CNTNAP2: variants seen among roughly 807,000 people sequenced by gnomAD.
CNTNAP2 encodes the protein contactin-associated protein-like 2.
CNTNAP2 carries 98 observed loss-of-function variants against 155.2 expected under a neutral mutation model. The observed-to-expected ratio is 0.63, with a 90% CI of 0.54 to 0.75. CNTNAP2 has a LOEUF of 0.75. CNTNAP2 is among the 30% of genes least tolerant of loss of function. CNTNAP2 has a pLI of 0.00. For synonymous variants in CNTNAP2, 651 were observed against 631.2 expected (o/e 1.03, Z -0.47); for missense variants, 1,727 against 1,688.1 (o/e 1.02, Z -0.40).
At chr7:146,945,409 A>G (rs1019725085) in intron 3 of CNTNAP2, among the ~76,000 whole-genome samples, 6 of 152,202 alleles carry the variant, frequency 3.9e-5, no homozygotes, top group African/African-American at 1.4e-4. Context: ...CAAATTAATT[A>G]CAATACTGAT....
At chr7:148,117,760 C>T (rs1354941552) in intron 15 of CNTNAP2, among the ~76,000 whole-genome samples, 1 of 151,606 alleles carries the variant, frequency 6.6e-6, no homozygotes, top group African/African-American at 2.4e-5. Flanking sequence ...GGTAGGAACC[C>T]CAACTATATC....
chr7:146,893,354 A>C (rs963057184), intron 3 of CNTNAP2, among the ~76,000 whole-genome samples: 6 of 151,880 alleles, frequency 4.0e-5, no homozygotes, highest in Admixed American at 2.6e-4. Context: ...AGGTAAATAG[A>C]TATTTTAAGA....
chr7:146,739,101 C>T (rs575461425), intron 1 of CNTNAP2, among the ~76,000 whole-genome samples: 1 of 151,670 alleles, frequency 6.6e-6, no homozygotes, highest in Non-Finnish European at 1.5e-5. Context: ...TTTTGTTGAT[C>T]TTTTCTATCA....
intron 13 of CNTNAP2, among the ~76,000 whole-genome samples, chr7:147,657,518 C>G (rs551899250): frequency 2.6e-5 from 4 of 150,994 alleles, no homozygotes; most frequent in African/African-American, 9.9e-5. Context: ...CTGTTTTTTT[C>G]CATCAATTCA....
At chr7:146,141,100 G>A (rs1306842697) in intron 1 of CNTNAP2, among the ~76,000 whole-genome samples, 1 of 152,206 alleles carries the variant, frequency 6.6e-6, no homozygotes, top group African/African-American at 2.4e-5. Context: ...TACAGTGTCA[G>A]TGGAGGAAAC....
Position 148,169,242 on chromosome 7 carries a change from AG to A in CNTNAP2, c.2774-2999del, listed in dbSNP as rs552224967. On this transcript the variant is annotated intron_variant, in intron 17 of 23. Coordinates refer to ENST00000361727, the MANE Select transcript of CNTNAP2 (RefSeq NM_014141.6). ...TATTTGAGGTGATGCAGATTTAAACAGTGAATCCTTTTTGCCCCCGTCGAGC... is the reference window on the plus strand; with the variant it reads ...TATTTGAGGTGATGCAGATTTAAACATGAATCCTTTTTGCCCCCGTCGAGC... 4.3e-3 allele frequency among the ~76,000 whole-genome samples: 660 copies of A among 152,372 alleles called. 5 individuals are homozygous for A. Among genetic ancestry groups the A allele is most frequent in the African/African-American group, 0.014 (603 of 41,598 alleles).
chr7:146,528,886 A>T (rs553255678), intron 1 of CNTNAP2, among the ~76,000 whole-genome samples: 27 of 152,306 alleles, frequency 1.8e-4, no homozygotes, highest in African/African-American at 6.0e-4. Context: ...GCAGTTACAG[A>T]AAAGGAAGAA....
chr7:146,257,917 C>T (rs1326794853), intron 1 of CNTNAP2, among the ~76,000 whole-genome samples: 1 of 151,086 alleles, frequency 6.6e-6, no homozygotes, highest in African/African-American at 2.5e-5. Flanking sequence ...CGTGGTCTTG[C>T]TCTGTCACCC....
At chr7:146,786,371 A>C (rs967775395) in intron 2 of CNTNAP2, among the ~76,000 whole-genome samples, 10 of 152,206 alleles carry the variant, frequency 6.6e-5, no homozygotes, top group Admixed American at 4.6e-4. Flanking sequence ...CCCTTCTCTT[A>C]ATACCCTTAG....
chr7:146,461,893 A>G (rs1796642422), intron 1 of CNTNAP2, among the ~76,000 whole-genome samples: 1 of 152,242 alleles, frequency 6.6e-6, no homozygotes, highest in Non-Finnish European at 1.5e-5. Flanking sequence ...GTAAACTGTC[A>G]CTGCTAAAAA....
intron 1 of CNTNAP2, among the ~76,000 whole-genome samples, chr7:146,137,393 G>GT (rs1797812655): frequency 6.6e-6 from 1 of 152,098 alleles, no homozygotes; most frequent in African/African-American, 2.4e-5. Context: ...AAATAGGACT[G>GT]TTTCATCTGT....
intron 20 of CNTNAP2, among the ~76,000 whole-genome samples, chr7:148,261,322 G>A (rs1211063749): frequency 2.0e-5 from 3 of 152,112 alleles, no homozygotes; most frequent in South Asian, 4.2e-4. Flanking sequence ...CACCATGCCC[G>A]GCTAATTTTT....
At chr7:146,384,162 G>C (rs1047045415) in intron 1 of CNTNAP2, among the ~76,000 whole-genome samples, 1 of 152,154 alleles carries the variant, frequency 6.6e-6, no homozygotes, top group Admixed American at 6.5e-5. Context: ...AAATATATCA[G>C]AAAGTAAAAG....
chr7:147,574,764 A>T (rs1444018471), intron 12 of CNTNAP2, among the ~76,000 whole-genome samples: 1 of 152,028 alleles, frequency 6.6e-6, no homozygotes, highest in East Asian at 1.9e-4. Context: ...TGTAGTTTCC[A>T]CATTCTTTGT....
intron 8 of CNTNAP2, among the ~76,000 whole-genome samples, chr7:147,244,068 A>G (rs927240682): frequency 1.3e-5 from 2 of 152,144 alleles, no homozygotes; most frequent in Non-Finnish European, 2.9e-5. Context: ...GACTTAATAA[A>G]TCTAAATTCT....
At chr7:146,892,103 T>C (rs925553328) in intron 3 of CNTNAP2, among the ~76,000 whole-genome samples, 1 of 152,190 alleles carries the variant, frequency 6.6e-6, no homozygotes, top group Admixed American at 6.5e-5. Flanking sequence ...AGTTCATTTG[T>C]GCTTTGTGTG....
chr7:147,546,288 A>G (rs1468301308), intron 11 of CNTNAP2, among the ~76,000 whole-genome samples: 1 of 152,202 alleles, frequency 6.6e-6, no homozygotes, highest in East Asian at 1.9e-4. Context: ...TTATGTACAC[A>G]TTATCATGTT....
At chr7:148,166,804 C>T (rs143783967) in intron 17 of CNTNAP2, among the ~76,000 whole-genome samples, 12 of 152,246 alleles carry the variant, frequency 7.9e-5, no homozygotes, top group East Asian at 7.7e-4. Context: ...GGTTAAGTAG[C>T]GTTTTTGCTT....
At chr7:147,410,806 AAATATT>A (rs1331244401) in intron 10 of CNTNAP2, among the ~76,000 whole-genome samples, 1 of 152,342 alleles carries the variant, frequency 6.6e-6, no homozygotes, top group East Asian at 1.9e-4. Context: ...GTGTTAAATA[AAATATT>A]AATATTATTG....
Sources: allele counts gnomAD v4.1 joint callset (sites outside exome capture counted in the v4.1 genomes callset), GRCh38; gene constraint gnomAD v4.1.1; transcripts MANE v1.5; gene names NCBI Gene and HGNC (gene_info 2026-07-23, HGNC 2026-07-21).